Variants in ARNT2 observed in about 807,000 individuals in gnomAD.
ARNT2 encodes the protein ARNT protein 2.
In ARNT2, 36 loss-of-function variants were observed where a neutral mutation model predicts 91.7. That is an observed-to-expected ratio of 0.39 (90% CI 0.30 to 0.52). The LOEUF (loss-of-function observed/expected upper bound fraction) is 0.52, where lower values mean the gene tolerates loss of function less well. ARNT2 is among the 20% of genes least tolerant of loss of function. The pLI is 0.72. For missense variants in ARNT2, 775 were observed against 939.3 expected, an observed-to-expected ratio of 0.83 and a Z score of 2.29; for synonymous variants, 365 against 347.1, an observed-to-expected ratio of 1.05 and a Z score of -0.57.
chr15:80,534,401 G>A (rs140607210), intron 8 of ARNT2, among the ~76,000 whole-genome samples: 115 of 152,110 alleles, frequency 7.6e-4, no homozygotes, highest in African/African-American at 1.8e-3. Flanking sequence ...AAAACTTTGC[G>A]AAATAAAGTA....
intron 2 of ARNT2, among the ~76,000 whole-genome samples, chr15:80,453,945 C>A (rs1468510285): frequency 6.6e-6 from 1 of 152,196 alleles, no homozygotes; most frequent in African/African-American, 2.4e-5. Context: ...CCCCCCTTCC[C>A]ACCCTAGTGT....
intron 8 of ARNT2, among the ~76,000 whole-genome samples, chr15:80,522,771 A>ATC (rs1160131981): frequency 1.3e-5 from 2 of 150,476 alleles, no homozygotes; most frequent in African/African-American, 4.9e-5. Flanking sequence ...ATATATATAT[A>ATC]TATATATATC....
chr15:80,505,049 G>A (rs1353135170), intron 5 of ARNT2, among the ~76,000 whole-genome samples: 1 of 152,206 alleles, frequency 6.6e-6, no homozygotes, highest in Non-Finnish European at 1.5e-5. Flanking sequence ...TCAAGGAGGA[G>A]TGTGACGCGA....
intron 5 of ARNT2, among the ~76,000 whole-genome samples, chr15:80,505,224 C>T (rs1028492324): frequency 6.6e-6 from 1 of 152,180 alleles, no homozygotes; most frequent in Admixed American, 6.5e-5. Context: ...ACTGGCGTCA[C>T]ATAAATGGTA....
At chr15:80,432,639 A>C (rs968667807) in intron 1 of ARNT2, among the ~76,000 whole-genome samples, 31 of 152,024 alleles carry the variant, frequency 2.0e-4, no homozygotes, top group African/African-American at 6.3e-4. Flanking sequence ...AAAGTTTGCC[A>C]ACCTGTGGCT....
chr15:80,446,365 A>G (rs2141377553), intron 1 of ARNT2, among the ~76,000 whole-genome samples: 1 of 152,318 alleles, frequency 6.6e-6, no homozygotes, highest in South Asian at 2.1e-4. Context: ...GGGGAGACTG[A>G]AACTTAGCGA....
rs947324393 is a variant in ARNT2 at position 80,428,206 on chromosome 15, G to A, written c.32-22674G>A. 3.3e-5 allele frequency among the ~76,000 whole-genome samples: 5 copies of A among 152,204 alleles called. No homozygotes were observed. In the East Asian group the frequency reaches 5.8e-4, roughly 18 times the overall value. ...CTGAAAGAGGCAGAACTGTGGAATC[G>A]TTCACCCTCACCATGTCGATGCACA... On this transcript the variant is annotated intron_variant, in intron 1 of 18. Coordinates refer to ENST00000303329, the MANE Select transcript of ARNT2 (RefSeq NM_014862.4).
rs555988325 is a variant in ARNT2, at chr15:80,581,163, C to T, written c.1753-76C>T. The T allele has an allele frequency of 3.2e-6, 5 of 1,564,506 alleles. No homozygotes were observed. In the South Asian group the frequency reaches 5.8e-5, roughly 18 times the overall value. ...CCCAGAGCAGGCACTGCCCCTGCGA[C>T]CAGCCTGGGGCATCGGTTGGGGTGC... On this transcript the variant is annotated intron_variant, in intron 16 of 18. Coordinates refer to ENST00000303329, the MANE Select transcript of ARNT2 (RefSeq NM_014862.4).
At position 80,588,208 on chromosome 15, in the gene ARNT2, ACT is replaced by A. The variant is rs563944803; in HGVS notation, c.1919-3358_1919-3357del. 1.3e-3 allele frequency among the ~76,000 whole-genome samples: 199 copies of A among 152,086 alleles called. 1 individual carries two copies. The highest frequency in any genetic ancestry group is 4.6e-3 in the African/African-American group (192 of 41,474). ...AAGTTTATCATCCCTAGCTCTTCCCACTCACACCCCTCAGCACAGTCAGTAAT... is the reference window on the plus strand; with the variant it reads ...AAGTTTATCATCCCTAGCTCTTCCCACACACCCCTCAGCACAGTCAGTAAT... On this transcript the variant is annotated intron_variant, in intron 17 of 18. Transcript: ENST00000303329.
At chr15:80,498,178 A>T (rs913295815) in intron 5 of ARNT2, among the ~76,000 whole-genome samples, 1 of 152,202 alleles carries the variant, frequency 6.6e-6, no homozygotes, top group African/African-American at 2.4e-5. Context: ...AGCCATCTCC[A>T]GTTGCACTCC....
At chr15:80,554,119 C>T (rs916214374) in intron 10 of ARNT2, among the ~76,000 whole-genome samples, 12 of 152,170 alleles carry the variant, frequency 7.9e-5, no homozygotes, top group Admixed American at 5.2e-4. Context: ...CTGTTTAAGA[C>T]ACTTCCTGGC....
At chr15:80,539,831 G>T (rs1399971195) in intron 8 of ARNT2, among the ~76,000 whole-genome samples, 2 of 150,832 alleles carry the variant, frequency 1.3e-5, no homozygotes, top group Non-Finnish European at 3.0e-5. Flanking sequence ...TCACAATGAG[G>T]TATTATCTCA....
intron 1 of ARNT2, among the ~76,000 whole-genome samples, chr15:80,441,987 C>T (rs747117900): frequency 1.3e-5 from 2 of 152,156 alleles, no homozygotes; most frequent in Non-Finnish European, 2.9e-5. Flanking sequence ...CAGACTGCTG[C>T]GAATACAGAT....
chr15:80,454,248 G>T lies in ARNT2; in HGVS notation c.146+3254G>T, dbSNP rs545579427. Among the ~76,000 whole-genome samples the T allele has an allele frequency of 1.7e-4, 26 of 152,096 alleles. 1 individual carries two copies. The highest frequency in any genetic ancestry group is 1.6e-3 in the Admixed American group (24 of 15,282). ...CCTGATCTCAGTGACAGGGTGGTGA[G>T]GGGTGGGGGGCTTCACTGGGGCAAA... is the stretch of plus-strand genomic sequence containing the variant. On this transcript the variant is annotated intron_variant, in intron 2 of 18. Coordinates refer to ENST00000303329, the MANE Select transcript of ARNT2 (RefSeq NM_014862.4).
chr15:80,478,439 C>T (rs1174501714), intron 5 of ARNT2, among the ~76,000 whole-genome samples: 1 of 152,166 alleles, frequency 6.6e-6, no homozygotes, highest in Non-Finnish European at 1.5e-5. Context: ...GAAATGTCCT[C>T]GGAGTGGACA....
intron 16 of ARNT2, 153 bp from the exon 17 acceptor site, chr15:80,581,086 A>T: frequency 1.1e-6 from 1 of 903,496 alleles, no homozygotes; most frequent in Non-Finnish European, 1.7e-6. Flanking sequence ...CACCGGGCTG[A>T]TCCCAGGCCT....
Position 80,404,673 on chromosome 15 carries a change from C to G in ARNT2, c.31+127C>G. 1 of 528,646 alleles carries G rather than the reference C, an allele frequency of 1.9e-6. No homozygotes were observed. The allele number at this position is 528,646 out of a possible 1,614,324, so 32.7% of individuals were successfully genotyped here. On this transcript the variant is annotated intron_variant, in intron 1 of 18. Transcript: ENST00000303329. This position sits in a 1 kb window ranked among gnomAD's most constrained non-coding sequence, Gnocchi z 5.5. ...CAGCTCGGCGCGGTGGGTGGTGGAG[C>G]GGCTGTCACTACGCGGCAGCCGCAG...
chr15:80,540,462 G>GTAA (rs1048516938), intron 8 of ARNT2, among the ~76,000 whole-genome samples: 2 of 152,132 alleles, frequency 1.3e-5, no homozygotes, highest in Non-Finnish European at 2.9e-5. Flanking sequence ...CTTCTTTGGA[G>GTAA]TAATATTCAG....
intron 3 of ARNT2, among the ~76,000 whole-genome samples, chr15:80,469,959 T>C (rs534798975): frequency 1.4e-4 from 22 of 152,244 alleles, no homozygotes; most frequent in African/African-American, 4.8e-4. Flanking sequence ...CTCAGGCATA[T>C]GGGAGTAATT....
Sources: allele counts gnomAD v4.1 joint callset (sites outside exome capture counted in the v4.1 genomes callset), GRCh38; gene constraint gnomAD v4.1.1; non-coding constraint Gnocchi (gnomAD v3.1); transcripts MANE v1.5; gene names NCBI Gene and HGNC (gene_info 2026-07-23, HGNC 2026-07-21).